NCKAP5: variants seen among roughly 807,000 people sequenced by gnomAD.
The protein encoded by NCKAP5 is nck-associated protein 5.
NCKAP5 carries 92 observed loss-of-function variants against 167.0 expected under a neutral mutation model. That is an observed-to-expected ratio of 0.55 (90% CI 0.47 to 0.66). NCKAP5 has a LOEUF of 0.66. Ranked by LOEUF, NCKAP5 falls within the 30% of genes least tolerant of loss-of-function variation. The pLI is 0.00. For synonymous variants in NCKAP5, 891 were observed against 877.4 expected (o/e 1.02, Z -0.27); for missense variants, 2,378 against 2,315.0 (o/e 1.03, Z -0.56).
At chr2:133,475,229 G>T (rs1679776003) in intron 3 of NCKAP5, among the ~76,000 whole-genome samples, 1 of 152,120 alleles carries the variant, frequency 6.6e-6, no homozygotes, top group South Asian at 2.1e-4. Context: ...TCAGCCCAAG[G>T]CCCATAAGTT....
chr2:132,700,158 C>G (rs1034672737), intron 19 of NCKAP5, among the ~76,000 whole-genome samples: 1 of 152,202 alleles, frequency 6.6e-6, no homozygotes. Context: ...ATATCCTTCA[C>G]TCACTTTTTG....
In NCKAP5 at chr2:133,387,504, GAATCTGAC is replaced by G. The variant is rs1687072737; in HGVS notation, c.70-84402_70-84395del. Among the ~76,000 whole-genome samples, 3 of 152,132 alleles carry G rather than the reference GAATCTGAC, an allele frequency of 2.0e-5. No individual in the cohort carries two copies. The South Asian group carries it at 6.2e-4, about 32-fold the overall frequency. On this transcript the variant is annotated intron_variant, in intron 3 of 19. Coordinates refer to ENST00000409261, the MANE Select transcript of NCKAP5 (RefSeq NM_207363.3). ...TTTTTTCCTTCCTTTCAACTTTGATGAATCTGACAATTATGTGTCTTGGAGTTGCTCTT... is the reference window on the plus strand; with the variant it reads ...TTTTTTCCTTCCTTTCAACTTTGATGAATTATGTGTCTTGGAGTTGCTCTT...
chr2:132,928,335 G>A (rs113560295), intron 8 of NCKAP5, among the ~76,000 whole-genome samples: 2 of 152,246 alleles, frequency 1.3e-5, no homozygotes, highest in African/African-American at 4.8e-5. Flanking sequence ...AAGATAAAAT[G>A]CTTGCTGAAT....
At chr2:133,175,667 G>T (rs980283022) in intron 5 of NCKAP5, among the ~76,000 whole-genome samples, 2 of 152,144 alleles carry the variant, frequency 1.3e-5, no homozygotes, top group African/African-American at 2.4e-5. Context: ...TAGTAAGAAG[G>T]AATTATTTGA....
chr2:133,125,757 C>T (rs187118290), intron 6 of NCKAP5, among the ~76,000 whole-genome samples: 1 of 152,218 alleles, frequency 6.6e-6, no homozygotes, highest in Admixed American at 6.5e-5. Context: ...TGGTCTGAAC[C>T]AAGTTTGTTA....
At chr2:132,920,169 T>A (rs1358757160) in intron 8 of NCKAP5, among the ~76,000 whole-genome samples, 2 of 152,092 alleles carry the variant, frequency 1.3e-5, no homozygotes, top group East Asian at 3.9e-4. Flanking sequence ...GTTCCTATGC[T>A]ATTTCATGGC....
At chr2:132,920,771 G>GTATGTATGTATGTGTATATATATA (rs1553479343) in intron 8 of NCKAP5, among the ~76,000 whole-genome samples, 16 of 31,578 alleles carry the variant, frequency 5.1e-4, no homozygotes, top group African/African-American at 1.7e-3. Flanking sequence ...ATATATGTAT[G>GTATGTATGTATGTGTATATATATA]TATATATATA....
intron 4 of NCKAP5, among the ~76,000 whole-genome samples, chr2:133,249,998 T>TTA (rs2088220687): frequency 7.2e-6 from 1 of 138,226 alleles, no homozygotes; most frequent in African/African-American, 2.7e-5. Context: ...CACCAAGGGT[T>TTA]TTATTATTAT....
chr2:133,553,516 CG>C (rs1384298111), intron 2 of NCKAP5, among the ~76,000 whole-genome samples: 1 of 152,102 alleles, frequency 6.6e-6, no homozygotes, highest in Non-Finnish European at 1.5e-5. Context: ...CCAGGAATTA[CG>C]GTGGTTGTGG....
chr2:133,499,401 A>G (rs1317648867), intron 3 of NCKAP5, among the ~76,000 whole-genome samples: 4 of 152,230 alleles, frequency 2.6e-5, no homozygotes, highest in Non-Finnish European at 4.4e-5. Flanking sequence ...CACAAACTAG[A>G]TGGAACATCA....
At chr2:132,793,660 T>G (rs903228273) in intron 12 of NCKAP5, among the ~76,000 whole-genome samples, 1 of 152,204 alleles carries the variant, frequency 6.6e-6, no homozygotes, top group Non-Finnish European at 1.5e-5. Context: ...CCTCACTGTC[T>G]GACATGGGCT....
At chr2:133,613,024 A>C in the NCKAP5 span, among the ~76,000 whole-genome samples, 1 of 152,234 alleles carries the variant, frequency 6.6e-6, no homozygotes, top group Non-Finnish European at 1.5e-5. Flanking sequence ...CTGAGGGCTA[A>C]GAGGAGCATT....
At chr2:133,379,610 G>A (rs948092505) in intron 3 of NCKAP5, among the ~76,000 whole-genome samples, 1 of 152,088 alleles carries the variant, frequency 6.6e-6, no homozygotes, top group Non-Finnish European at 1.5e-5. Context: ...CAGGAACCAT[G>A]GCCTTCTCAT....
intron 6 of NCKAP5, among the ~76,000 whole-genome samples, chr2:133,083,260 G>A (rs2080873184): frequency 6.6e-6 from 1 of 152,102 alleles, no homozygotes; most frequent in Non-Finnish European, 1.5e-5. Context: ...AGTACCTTAG[G>A]TATTCCCAGA....
At chr2:133,010,615 A>G (rs374735372) in intron 6 of NCKAP5, among the ~76,000 whole-genome samples, 4 of 152,344 alleles carry the variant, frequency 2.6e-5, no homozygotes, top group Admixed American at 2.6e-4. Flanking sequence ...ATAAGGATAT[A>G]AAGAATAACC....
intron 6 of NCKAP5, among the ~76,000 whole-genome samples, chr2:133,061,267 C>T (rs1460603224): frequency 6.6e-6 from 1 of 152,150 alleles, no homozygotes; most frequent in Non-Finnish European, 1.5e-5. Context: ...GAAAGAAGTT[C>T]TACTGTAGGC....
intron 6 of NCKAP5, among the ~76,000 whole-genome samples, chr2:133,016,908 G>A (rs1038752731): frequency 1.3e-5 from 2 of 152,182 alleles, no homozygotes; most frequent in African/African-American, 4.8e-5. Context: ...CTTTTAATAT[G>A]TAACTGAGAC....
At chr2:133,212,415 T>C (rs2086248028) in intron 5 of NCKAP5, among the ~76,000 whole-genome samples, 1 of 152,212 alleles carries the variant, frequency 6.6e-6, no homozygotes, top group Non-Finnish European at 1.5e-5. Context: ...ACAGGGTCTT[T>C]GGAGTGCAAT....
chr2:133,457,698 G>C (rs1691945598), intron 3 of NCKAP5, among the ~76,000 whole-genome samples: 1 of 152,082 alleles, frequency 6.6e-6, no homozygotes, highest in Non-Finnish European at 1.5e-5. Context: ...AACTCAAATA[G>C]CATTCGTTTG....
Sources: gnomAD v4.1 joint callset for allele counts (sites outside exome capture counted in the v4.1 genomes callset) on GRCh38, gnomAD v4.1.1 for gene constraint, MANE v1.5 for transcripts, NCBI Gene and HGNC (gene_info 2026-07-23, HGNC 2026-07-21) for gene names.